Variants in CAPZB observed in about 807,000 individuals in gnomAD.
The protein encoded by CAPZB is F-actin-capping protein subunit beta.
A neutral mutation model predicts 38.1 loss-of-function variants in CAPZB; 2 were observed. The ratio of observed to expected loss-of-function variants is 0.05; its 90% CI spans 0.02 to 0.17. The LOEUF (loss-of-function observed/expected upper bound fraction) is 0.17. Among genes scored for constraint, CAPZB ranks in the 10% least tolerant of loss-of-function variants. The pLI is 1.00. For synonymous variants in CAPZB, 107 were observed against 127.4 expected (o/e 0.84, Z 1.08); for missense variants, 161 against 334.2 (o/e 0.48, Z 4.04).
chr1:19,468,426 G>A (rs1570355635), intron 1 of CAPZB, among the ~76,000 whole-genome samples: 1 of 152,142 alleles, frequency 6.6e-6, no homozygotes, highest in East Asian at 1.9e-4. Context: ...CTAGCCTGTG[G>A]GCCTTTCACT....
chr1:19,451,309 T>C (rs1365142523), intron 1 of CAPZB, among the ~76,000 whole-genome samples: 2 of 151,992 alleles, frequency 1.3e-5, no homozygotes, highest in East Asian at 3.9e-4. Flanking sequence ...AGGGGAATGG[T>C]AGAGGCAGAG....
chr1:19,380,748 T>C (rs955312618), intron 3 of CAPZB, among the ~76,000 whole-genome samples: 3 of 152,300 alleles, frequency 2.0e-5, no homozygotes, highest in African/African-American at 4.8e-5. Context: ...TGAATGCAGA[T>C]AGCTCACTCT....
At chr1:19,419,328 G>C (rs796779479) in intron 2 of CAPZB, among the ~76,000 whole-genome samples, 9 of 152,334 alleles carry the variant, frequency 5.9e-5, no homozygotes, top group African/African-American at 2.2e-4. Flanking sequence ...TGCGTGCACT[G>C]CTGAATGCCT....
At chr1:19,484,316 G>GC (rs11450129) in intron 1 of CAPZB, 220,265 of 1,594,060 alleles carry the variant, frequency 0.14, 15,964 homozygotes, top group East Asian at 0.25. Context: ...GGGCCTGGTG[G>GC]CCCCCCAAGG....
intron 1 of CAPZB, among the ~76,000 whole-genome samples, chr1:19,422,352 G>A (rs1442281768): frequency 6.6e-6 from 1 of 152,170 alleles, no homozygotes; most frequent in African/African-American, 2.4e-5. Context: ...AGTTAAGGCT[G>A]AGAAGCCCTG....
rs148839088 is a variant in CAPZB, at chr1:19,370,327, G to T, written c.329+8213C>A. On this transcript the variant is annotated intron_variant, in intron 4 of 8. Transcript: ENST00000264202. ...TTCGCTACAAGGACTCACGGAATGT[G>T]GCACAAAGTTGCCCTCGGGGCCAAG... 5.4e-3 allele frequency among the ~76,000 whole-genome samples: 822 copies of T among 152,348 alleles called. 3 individuals are homozygous for T. Among genetic ancestry groups the T allele is most frequent in the Non-Finnish European group, 7.6e-3 (517 of 68,030 alleles).
Position 19,380,628 on chromosome 1 carries a change from CTG to C in CAPZB, c.216-1977_216-1976del, listed in dbSNP as rs527386505. 5.3e-5 allele frequency among the ~76,000 whole-genome samples: 8 copies of C among 152,352 alleles called. No homozygotes were observed. The East Asian group carries it at 1.3e-3, about 26-fold the overall frequency. ...CTGAGACGATGGAGATGTTCTAAAT[CTG>C]TGCTGTCCAAAACAAGTCACTAGCC... is the stretch of plus-strand genomic sequence containing the variant. On this transcript the variant is annotated intron_variant, in intron 3 of 8. Transcript: ENST00000264202.
At chr1:19,342,575 G>A (rs919104151) in intron 8 of CAPZB, among the ~76,000 whole-genome samples, 1 of 152,194 alleles carries the variant, frequency 6.6e-6, no homozygotes, top group Non-Finnish European at 1.5e-5. Flanking sequence ...CGTGATAGGT[G>A]CCGTGTTACA....
intron 4 of CAPZB, among the ~76,000 whole-genome samples, chr1:19,361,112 G>C (rs1359413505): frequency 1.3e-5 from 2 of 152,156 alleles, no homozygotes; most frequent in Non-Finnish European, 2.9e-5. Flanking sequence ...GGAGCCGCAT[G>C]ATCTCCATAA....
chr1:19,446,851 C>T lies in CAPZB; in HGVS notation c.4-27101G>A, dbSNP rs151188608. ...TTTAGGTGGAAAGATTGATTTTTTC[C>T]CCTCCTTTCATATGTATTTAGTGAA... On this transcript the variant is annotated intron_variant, in intron 1 of 8. Coordinates refer to ENST00000264202, the MANE Select transcript of CAPZB (RefSeq NM_004930.5). 5.4e-3 allele frequency among the ~76,000 whole-genome samples: 827 copies of T among 152,040 alleles called. 2 individuals are homozygous for T. The highest frequency in any genetic ancestry group is 0.051 in the Middle Eastern group (15 of 294).
At chr1:19,434,518 A>G (rs1470028776) in intron 1 of CAPZB, among the ~76,000 whole-genome samples, 1 of 150,410 alleles carries the variant, frequency 6.6e-6, no homozygotes, top group Non-Finnish European at 1.5e-5. Context: ...TGAGGCCAGG[A>G]GTTTGAGACC....
chr1:19,385,415 A>G (rs1265093914), intron 3 of CAPZB, 90 bp downstream of exon 3: 2 of 1,511,802 alleles, frequency 1.3e-6, no homozygotes, highest in African/African-American at 1.4e-5. Flanking sequence ...CCAGCTGCCC[A>G]AGTCCAAGGT....
intron 2 of CAPZB, among the ~76,000 whole-genome samples, chr1:19,395,009 C>T (rs4911987): frequency 0.59 from 90,219 of 152,036 alleles, 26,864 homozygotes; most frequent in African/African-American, 0.62. Flanking sequence ...CTACAGCCAC[C>T]GCGCGCCAGG....
chr1:19,357,516 T>G lies in CAPZB; in HGVS notation c.377A>C (p.His126Pro). 1 of 1,614,010 alleles carries G rather than the reference T, an allele frequency of 6.2e-7. No homozygotes were observed. The change falls in exon 5 of 9, where the codon CAT (histidine) becomes CCT (proline). Residue 126 changes from histidine (H) to proline (P), a missense_variant. Transcript: ENST00000264202. This position sits in a 1 kb window ranked among gnomAD's most constrained non-coding sequence, Gnocchi z 4.3. Reference sequence around the variant, plus strand: ...TATGAGGATCACTCCAGCAAAGCCATGATCCAGATCCCAGAGGTAGACAGA... The same window carrying G: ...TATGAGGATCACTCCAGCAAAGCCAGGATCCAGATCCCAGAGGTAGACAGA... ...VSSVYLWDLDHGFAGVILIKK... is the reference protein window; with the variant it reads ...VSSVYLWDLDPGFAGVILIKK...
At chr1:19,347,307 C>T (rs894084741) in intron 6 of CAPZB, among the ~76,000 whole-genome samples, 8 of 152,166 alleles carry the variant, frequency 5.3e-5, no homozygotes, top group Non-Finnish European at 8.8e-5. Flanking sequence ...AAGCCCTGCA[C>T]GAGAGCACTT....
At chr1:19,447,219 G>A (rs1198998476) in intron 1 of CAPZB, among the ~76,000 whole-genome samples, 6 of 149,384 alleles carry the variant, frequency 4.0e-5, no homozygotes, top group Admixed American at 6.7e-5. Flanking sequence ...GAAAAATATT[G>A]ACGAACTTAA....
chr1:19,432,058 A>G (rs912516737), intron 1 of CAPZB, among the ~76,000 whole-genome samples: 1 of 144,790 alleles, frequency 6.9e-6, no homozygotes, highest in African/African-American at 2.8e-5. Context: ...AAAAAAAAAA[A>G]AAAAAAAGAA....
At chr1:19,390,300 C>A (rs1392279472) in intron 2 of CAPZB, among the ~76,000 whole-genome samples, 1 of 152,220 alleles carries the variant, frequency 6.6e-6, no homozygotes, top group South Asian at 2.1e-4. Context: ...CTTTGGGGTG[C>A]ATGTGGCACT....
chr1:19,391,023 T>C (rs1415772786), intron 2 of CAPZB, among the ~76,000 whole-genome samples: 2 of 151,998 alleles, frequency 1.3e-5, no homozygotes, highest in African/African-American at 4.8e-5. Context: ...TGCAGTTATA[T>C]ACAGCACAGC....
Sources: gnomAD v4.1 joint callset for allele counts (sites outside exome capture counted in the v4.1 genomes callset) on GRCh38, gnomAD v4.1.1 for gene constraint, Gnocchi (gnomAD v3.1) non-coding constraint, MANE v1.5 for transcripts, NCBI Gene and HGNC (gene_info 2026-07-23, HGNC 2026-07-21) for gene names.